FAM193A: variants seen among roughly 807,000 people sequenced by gnomAD.
The protein encoded by FAM193A is protein FAM193A.
Under a neutral mutation model 126.5 loss-of-function variants are expected in FAM193A, and 22 were observed. The ratio of observed to expected loss-of-function variants is 0.17; its 90% CI spans 0.12 to 0.25. FAM193A has a LOEUF of 0.25. Ranked by LOEUF, FAM193A falls within the 10% of genes least tolerant of loss-of-function variation. The probability of loss-of-function intolerance (pLI) is 1.00; values close to 1 mark genes in which losing one functional copy is unlikely to be tolerated. For missense variants in FAM193A, 1,675 were observed against 1,672.8 expected (o/e 1.00, Z -0.02); for synonymous variants, 761 against 646.8 (o/e 1.18, Z -2.68).
intron 6 of FAM193A, among the ~76,000 whole-genome samples, chr4:2,640,411 G>A (rs1421368295): frequency 6.6e-6 from 1 of 152,176 alleles, no homozygotes; most frequent in Non-Finnish European, 1.5e-5. Flanking sequence ...CACTCACTGA[G>A]TATTTGCTCG....
At chr4:2,692,317 A>G (rs557248534) in intron 15 of FAM193A, among the ~76,000 whole-genome samples, 2 of 152,338 alleles carry the variant, frequency 1.3e-5, no homozygotes, top group East Asian at 3.9e-4. Flanking sequence ...CACTATCACT[A>G]GAACAGCATG....
chr4:2,633,125 C>T lies in FAM193A; in HGVS notation c.1038+1956C>T, dbSNP rs528069978. ...ATTTCTTGTGGCTTGAGGCCGGGTG[C>T]GGTGGCTCACGCCTGTAATTCCAGC... On this transcript the variant is annotated intron_variant, in intron 5 of 20. Coordinates refer to ENST00000637812, the MANE Select transcript of FAM193A (RefSeq NM_001366318.2). Among the ~76,000 whole-genome samples the T allele has an allele frequency of 1.2e-4, 19 of 152,106 alleles. 1 individual carries two copies. The South Asian group carries it at 4.0e-3, about 32-fold the overall frequency.
intron 20 of FAM193A, among the ~76,000 whole-genome samples, chr4:2,729,342 C>T (rs1324423867): frequency 6.6e-6 from 1 of 152,086 alleles, no homozygotes; most frequent in Non-Finnish European, 1.5e-5. Context: ...TGCTAGCAGG[C>T]CAGTGTGTGT....
chr4:2,636,954 C>T (rs75144206), intron 5 of FAM193A, among the ~76,000 whole-genome samples: 7,297 of 152,036 alleles, frequency 0.048, 240 homozygotes, highest in Non-Finnish European at 0.079. Flanking sequence ...AATGCCCTCA[C>T]GTGAGGTTTA....
intron 10 of FAM193A, among the ~76,000 whole-genome samples, chr4:2,661,431 G>A (rs1712431346): frequency 6.6e-6 from 1 of 152,166 alleles, no homozygotes; most frequent in Admixed American, 6.5e-5. Flanking sequence ...CTGTCACATG[G>A]AGCAAATGGC....
In FAM193A at chr4:2,596,172, C is replaced by T; in HGVS notation, c.344C>T (p.Ser115Leu). The T allele has an allele frequency of 2.8e-6, 2 of 702,988 alleles. No homozygotes were observed. The highest frequency in any genetic ancestry group is 2.6e-6 in the Non-Finnish European group (1 of 384,980). 43.5% of individuals were successfully genotyped at this position (702,988 alleles called of 1,614,324 possible). A position where few individuals can be genotyped will look rare whatever the true frequency, so the allele number is the denominator to read the frequency against. ...CLLCRSERKD[S>L]SFLESGIKTA... ...CTGTGCAGAAGTGAACGGAAAGACTCATCATTCTTAGAGAGTGGAATTAAG... is the reference window on the plus strand; with the variant it reads ...CTGTGCAGAAGTGAACGGAAAGACTTATCATTCTTAGAGAGTGGAATTAAG... Residue 115 changes from serine to leucine, a missense_variant, in exon 2 of 21, where the codon TCA becomes TTA. Physicochemically the swap from Ser to Leu is moderately radical, Grantham distance 145 (BLOSUM62 -2). Transcript: ENST00000637812.
intron 1 of FAM193A, among the ~76,000 whole-genome samples, chr4:2,559,412 C>A (rs1191397813): frequency 2.0e-5 from 3 of 152,188 alleles, no homozygotes; most frequent in Admixed American, 2.0e-4. Context: ...GATAAAGAAA[C>A]CACCTTGCTA....
At chr4:2,723,820 G>A (rs543487717) in intron 20 of FAM193A, among the ~76,000 whole-genome samples, 2 of 152,036 alleles carry the variant, frequency 1.3e-5, no homozygotes, top group South Asian at 4.2e-4. Flanking sequence ...GTTTTGTTTT[G>A]TTTTTTTGAG....
chr4:2,544,652 C>G (rs1025471959), intron 1 of FAM193A, among the ~76,000 whole-genome samples: 2 of 151,912 alleles, frequency 1.3e-5, no homozygotes, highest in African/African-American at 4.8e-5. Flanking sequence ...TGCAGTGAGC[C>G]CAGATCGGGC....
In FAM193A at chr4:2,625,338, G is replaced by A; in HGVS notation, c.578G>A (p.Gly193Asp). ...GGCAGTGGTGGGAGGCTCGCTCTGG[G>A]TGCACAGACGCTGCCTTCAGACACC... is the stretch of plus-strand genomic sequence containing the variant. ...EAGSGGRLAL[G>D]AQTLPSDTAC... The change falls in exon 3 of 21, where the codon GGT becomes GAT. Residue 193 changes from glycine (G) to aspartate (D), a missense_variant. Transcript: ENST00000637812. The A allele has an allele frequency of 1.4e-6, 1 of 702,986 alleles. No individual in the cohort carries two copies. The highest frequency in any genetic ancestry group is 1.5e-5 in the South Asian group (1 of 67,596). 43.5% of individuals were successfully genotyped at this position (702,986 alleles called of 1,614,324 possible).
At chr4:2,630,906 A>C (rs1245075077) in intron 4 of FAM193A, 29 bp from the exon 5 acceptor site, 4 of 1,336,462 alleles carry the variant, frequency 3.0e-6, no homozygotes, top group African/African-American at 1.4e-5. Flanking sequence ...CCTGGTGGGC[A>C]GGCCCTGGTG....
chr4:2,606,650 T>C (rs1289798131), intron 2 of FAM193A, among the ~76,000 whole-genome samples: 3 of 152,214 alleles, frequency 2.0e-5, no homozygotes, highest in African/African-American at 7.2e-5. Context: ...ATGCGTGGCT[T>C]GTAACATCAC....
Position 2,659,623 on chromosome 4 carries a change from G to A in FAM193A, c.1455G>A (p.Ser485=), listed in dbSNP as rs61731406. 1,805 of 1,614,114 alleles carry A rather than the reference G, an allele frequency of 1.1e-3. 2 individuals are homozygous for A. The highest frequency in any genetic ancestry group is 1.3e-3 in the Non-Finnish European group (1,541 of 1,180,006). Residue 485 remains serine (S), a synonymous_variant, in exon 9 of 21, where the codon TCG becomes TCA. Transcript: ENST00000637812. Reference sequence around the variant, plus strand: ...CAGACACCATGAGGCACATGTTATCGTCCCGGCTGAGCATGCCCGACTGCC... The same window carrying A: ...CAGACACCATGAGGCACATGTTATCATCCCGGCTGAGCATGCCCGACTGCC... ...NFTDTMRHML[S]SRLSMPDCPN... is the part of the protein sequence containing the mutation.
intron 1 of FAM193A, among the ~76,000 whole-genome samples, chr4:2,538,028 C>T (rs888259790): frequency 6.6e-6 from 1 of 152,146 alleles, no homozygotes; most frequent in South Asian, 2.1e-4. Context: ...TTGGCGCAGT[C>T]ATTTCCAGTT....
intron 1 of FAM193A, among the ~76,000 whole-genome samples, chr4:2,548,597 T>C (rs1045581427): frequency 6.6e-6 from 1 of 151,428 alleles, no homozygotes; most frequent in South Asian, 2.1e-4. Flanking sequence ...GCTGGAGTTA[T>C]AGGGATGTGC....
intron 13 of FAM193A, among the ~76,000 whole-genome samples, chr4:2,678,101 G>A (rs531841993): frequency 6.6e-6 from 1 of 151,968 alleles, no homozygotes; most frequent in East Asian, 2.0e-4. Flanking sequence ...GGTTTCAAAC[G>A]ATTCTCCTGC....
chr4:2,729,562 CTCT>C (rs920714787), intron 20 of FAM193A, among the ~76,000 whole-genome samples: 7 of 152,222 alleles, frequency 4.6e-5, no homozygotes, highest in African/African-American at 7.2e-5. Flanking sequence ...TTGCCTCAGT[CTCT>C]TCTTCTGCCT....
chr4:2,612,126 G>A (rs954577892), intron 2 of FAM193A, among the ~76,000 whole-genome samples: 3 of 151,540 alleles, frequency 2.0e-5, no homozygotes, highest in Admixed American at 6.6e-5. Context: ...GTGAGCCACC[G>A]CGCCCGGCTC....
chr4:2,570,832 A>G (rs1739249083), intron 1 of FAM193A, among the ~76,000 whole-genome samples: 1 of 152,196 alleles, frequency 6.6e-6, no homozygotes, highest in Admixed American at 6.5e-5. Context: ...ATTTACTGCA[A>G]GTCTCACTCA....
Sources: allele counts gnomAD v4.1 joint callset (sites outside exome capture counted in the v4.1 genomes callset), GRCh38; gene constraint gnomAD v4.1.1; transcripts MANE v1.5; gene names NCBI Gene and HGNC (gene_info 2026-07-23, HGNC 2026-07-21).